FREM3: variants seen among roughly 807,000 people sequenced by gnomAD.
The protein encoded by FREM3 is FRAS1 related extracellular matrix 3, also known as FRAS1-related extracellular matrix protein 3.
In FREM3, 105 loss-of-function variants were observed where a neutral mutation model predicts 129.1. The ratio of observed to expected loss-of-function variants is 0.81; its 90% CI spans 0.69 to 0.96. The LOEUF is 0.96. FREM3 is among the 40% of genes least tolerant of loss of function. The pLI is 0.00. For synonymous variants in FREM3, 1,014 were observed against 1,044.9 expected, an observed-to-expected ratio of 0.97 and a Z score of 0.57; for missense variants, 2,593 against 2,666.3, an observed-to-expected ratio of 0.97 and a Z score of 0.61.
intron 5 of FREM3, among the ~76,000 whole-genome samples, chr4:143,613,802 A>G (rs1047959833): frequency 3.9e-5 from 6 of 152,220 alleles, no homozygotes; most frequent in African/African-American, 1.4e-4. Flanking sequence ...TTAACTCCTC[A>G]GGACGAATGC....
chr4:143,607,993 C>T (rs1219503648), intron 6 of FREM3, among the ~76,000 whole-genome samples: 1 of 152,110 alleles, frequency 6.6e-6, no homozygotes, highest in Non-Finnish European at 1.5e-5. Context: ...CTTCAAAGTG[C>T]ATCACTCCAA....
chr4:143,626,632 G>C (rs936962146), intron 3 of FREM3, among the ~76,000 whole-genome samples: 1 of 152,178 alleles, frequency 6.6e-6, no homozygotes, highest in Admixed American at 6.5e-5. Context: ...GTTCCACCAT[G>C]TGTTGATGTA....
At chr4:143,669,453 CAA>C (rs1491184692) in intron 2 of FREM3, among the ~76,000 whole-genome samples, 24 of 151,676 alleles carry the variant, frequency 1.6e-4, no homozygotes, top group African/African-American at 5.3e-4. Context: ...TTGTTTAAAA[CAA>C]TTTTTTTTTT....
chr4:143,673,548 C>G (rs1430790041), intron 2 of FREM3, among the ~76,000 whole-genome samples: 1 of 152,228 alleles, frequency 6.6e-6, no homozygotes, highest in Non-Finnish European at 1.5e-5. Flanking sequence ...CAGGGACCCA[C>G]TTGAGGAGGC....
chr4:143,583,778 C>G (rs574586807), intron 7 of FREM3, among the ~76,000 whole-genome samples: 1 of 152,186 alleles, frequency 6.6e-6, no homozygotes, highest in Admixed American at 6.5e-5. Flanking sequence ...TCATTACCAC[C>G]AGACCTGCCT....
At chr4:143,654,972 C>T (rs1446362540) in intron 2 of FREM3, among the ~76,000 whole-genome samples, 1 of 152,166 alleles carries the variant, frequency 6.6e-6, no homozygotes, top group African/African-American at 2.4e-5. Flanking sequence ...CATGGAGGAG[C>T]ACACGGCTGG....
chr4:143,626,359 G>T lies in FREM3; in HGVS notation c.5422+1255C>A, dbSNP rs754501419. Among the ~76,000 whole-genome samples, 10 of 152,234 alleles carry T rather than the reference G, an allele frequency of 6.6e-5. No homozygotes were observed. The Middle Eastern group carries it at 0.01, about 155-fold the overall frequency. Reference sequence around the variant, plus strand: ...TGCCAATTATGGTAAGTGCTGTGAAGAACCATACAGCAGTGCATGTAGATA... The same window carrying T: ...TGCCAATTATGGTAAGTGCTGTGAATAACCATACAGCAGTGCATGTAGATA... On this transcript the variant is annotated intron_variant, in intron 3 of 7. Coordinates refer to ENST00000329798, the MANE Select transcript of FREM3 (RefSeq NM_001168235.2).
intron 2 of FREM3, among the ~76,000 whole-genome samples, chr4:143,679,042 G>A (rs1740201135): frequency 6.6e-6 from 1 of 152,068 alleles, no homozygotes; most frequent in Non-Finnish European, 1.5e-5. Flanking sequence ...GTAATTAGGT[G>A]TCAATGCACA....
chr4:143,605,384 C>T (rs948414655), intron 6 of FREM3, among the ~76,000 whole-genome samples: 1 of 152,058 alleles, frequency 6.6e-6, no homozygotes, highest in Non-Finnish European at 1.5e-5. Flanking sequence ...AATAACTACT[C>T]TTACAGTTAA....
At chr4:143,660,878 C>T (rs990782135) in intron 2 of FREM3, among the ~76,000 whole-genome samples, 1 of 152,058 alleles carries the variant, frequency 6.6e-6, no homozygotes, top group African/African-American at 2.4e-5. Flanking sequence ...TGATTTGGCT[C>T]TCTGTTTGTC....
chr4:143,691,324 G>A (rs990689693), intron 2 of FREM3, among the ~76,000 whole-genome samples: 3 of 151,948 alleles, frequency 2.0e-5, no homozygotes, highest in African/African-American at 7.3e-5. Context: ...ATACTGCTCG[G>A]GTGATGGGTA....
intron 2 of FREM3, among the ~76,000 whole-genome samples, chr4:143,654,966 G>C (rs1739574417): frequency 6.6e-6 from 1 of 152,230 alleles, no homozygotes; most frequent in South Asian, 2.1e-4. Flanking sequence ...AGTAAGCATG[G>C]AGGAGCACAC....
intron 7 of FREM3, among the ~76,000 whole-genome samples, chr4:143,581,963 G>A (rs1237776342): frequency 6.6e-6 from 1 of 152,098 alleles, no homozygotes; most frequent in Non-Finnish European, 1.5e-5. Flanking sequence ...CTAAGGAGAA[G>A]AGGCCAGTCT....
chr4:143,581,346 C>G (rs1258381180), intron 7 of FREM3, among the ~76,000 whole-genome samples: 1 of 152,138 alleles, frequency 6.6e-6, no homozygotes. Context: ...TGCCCTCAGA[C>G]TGGGGAAGGA....
intron 2 of FREM3, among the ~76,000 whole-genome samples, chr4:143,680,980 C>A (rs1180065604): frequency 6.6e-6 from 1 of 151,958 alleles, no homozygotes; most frequent in Non-Finnish European, 1.5e-5. Flanking sequence ...AGTCAAATTC[C>A]ATCAGGTCAA....
chr4:143,643,236 T>C (rs1415829972), intron 2 of FREM3, among the ~76,000 whole-genome samples: 1 of 152,062 alleles, frequency 6.6e-6, no homozygotes, highest in Admixed American at 6.6e-5. Context: ...AAAATAGAAC[T>C]ACCAAAGGAT....
intron 6 of FREM3, among the ~76,000 whole-genome samples, chr4:143,590,097 G>A (rs1260752175): frequency 6.6e-6 from 1 of 152,054 alleles, no homozygotes; most frequent in African/African-American, 2.4e-5. Context: ...TGTATCCTGA[G>A]ACTTTGCTGA....
intron 6 of FREM3, among the ~76,000 whole-genome samples, chr4:143,588,472 C>A (rs2149834171): frequency 6.6e-6 from 1 of 151,702 alleles, no homozygotes; most frequent in East Asian, 1.9e-4. Context: ...CAATTCCCAC[C>A]TATGAGTGAG....
At chr4:143,635,076 T>A (rs1739211733) in intron 2 of FREM3, among the ~76,000 whole-genome samples, 1 of 152,182 alleles carries the variant, frequency 6.6e-6, no homozygotes, top group East Asian at 1.9e-4. Context: ...AAAACCCAAT[T>A]TATGTAAGTC....
Sources: allele counts gnomAD v4.1 joint callset (sites outside exome capture counted in the v4.1 genomes callset), GRCh38; gene constraint gnomAD v4.1.1; transcripts MANE v1.5; gene names NCBI Gene and HGNC (gene_info 2026-07-23, HGNC 2026-07-21).